Variants in ANK3 observed in about 807,000 individuals in gnomAD.
ANK3 encodes the protein ankyrin 3.
ANK3 carries 57 observed loss-of-function variants against 370.9 expected under a neutral mutation model. The observed-to-expected ratio is 0.15, with a 90% confidence interval of 0.12 to 0.19. The LOEUF is 0.19. ANK3 is among the 10% of genes least tolerant of loss of function. ANK3 has a pLI of 1.00. For missense variants in ANK3, 4,439 were observed against 5,302.1 expected (o/e 0.84, Z 5.06); for synonymous variants, 1,929 against 1,946.3 (o/e 0.99, Z 0.23).
In ANK3 at chr10:60,074,211, T is replaced by C. The variant is rs776244745; in HGVS notation, c.6670A>G (p.Ser2224Gly). The change falls in exon 37 of 44, where the codon AGT (serine) becomes GGT (glycine). Residue 2224 changes from serine to glycine, a missense_variant. By Grantham distance (56) the Ser-to-Gly change is moderately conservative. Around this residue, in one of 13 missense-constraint regions of ANK3, gnomAD observed 1,601 missense variants for 1,731.7 expected, o/e 0.92. Transcript: ENST00000280772. ...CGATTGTGGTCATCTTCTTCACTAC[T>C]GGCTTTCATTTGAAATGCTTTAACC... ...EKVKAFQMKASSEEDDHNRVL... is the reference protein window; with the variant it reads ...EKVKAFQMKAGSEEDDHNRVL... 1.9e-6 allele frequency: 3 copies of C among 1,614,190 alleles called. No homozygotes were observed. The highest frequency in any genetic ancestry group is 1.1e-5 in the South Asian group (1 of 91,082).
chr10:60,307,135 A>G (rs1209894090), intron 1 of ANK3, among the ~76,000 whole-genome samples: 1 of 152,224 alleles, frequency 6.6e-6, no homozygotes, highest in Non-Finnish European at 1.5e-5. Context: ...ATAAAGTTCT[A>G]TTGAAACACA....
At chr10:60,353,977 T>C (rs1050172539) in intron 1 of ANK3, among the ~76,000 whole-genome samples, 2 of 152,244 alleles carry the variant, frequency 1.3e-5, no homozygotes, top group Non-Finnish European at 2.9e-5. Context: ...CGCATCTCCA[T>C]ATCCACGTGC....
chr10:60,699,874 ACAT>A (rs1239947745), intron 1 of ANK3, among the ~76,000 whole-genome samples: 1 of 152,198 alleles, frequency 6.6e-6, no homozygotes, highest in African/African-American at 2.4e-5. Flanking sequence ...ACAGGAAATC[ACAT>A]CATCAACAAC....
intron 7 of ANK3, among the ~76,000 whole-genome samples, chr10:60,261,412 A>G (rs1181650660): frequency 6.6e-6 from 1 of 152,234 alleles, no homozygotes; most frequent in Admixed American, 6.5e-5. Context: ...CAGAAGATAA[A>G]GGCAAAAGAT....
chr10:60,056,704 C>T (rs577306602), intron 41 of ANK3, among the ~76,000 whole-genome samples: 1 of 152,244 alleles, frequency 6.6e-6, no homozygotes, highest in Non-Finnish European at 1.5e-5. Flanking sequence ...GAAGAGATTT[C>T]AGAACGCTTC....
intron 2 of ANK3, among the ~76,000 whole-genome samples, chr10:60,597,463 C>T (rs1396147499): frequency 6.6e-6 from 1 of 152,162 alleles, no homozygotes; most frequent in Non-Finnish European, 1.5e-5. Flanking sequence ...ATTTAGCAGC[C>T]TCTCTGTTCA....
chr10:60,730,529 T>C (rs957077477), intron 1 of ANK3, among the ~76,000 whole-genome samples: 3 of 152,164 alleles, frequency 2.0e-5, no homozygotes, highest in African/African-American at 7.2e-5. Context: ...TAGGAGAAAG[T>C]AGACTATATT....
chr10:60,474,788 T>A (rs974099653), intron 2 of ANK3, among the ~76,000 whole-genome samples: 4 of 152,152 alleles, frequency 2.6e-5, no homozygotes, highest in Admixed American at 2.6e-4. Context: ...ACAGCACACA[T>A]CTCTGTGTGT....
intron 2 of ANK3, among the ~76,000 whole-genome samples, chr10:60,579,097 C>T (rs1200178951): frequency 6.6e-6 from 1 of 152,070 alleles, no homozygotes; most frequent in Admixed American, 6.6e-5. Context: ...GAGGCTGAGG[C>T]AGGCGGATCA....
intron 1 of ANK3, among the ~76,000 whole-genome samples, chr10:60,351,335 C>T (rs2056826334): frequency 6.6e-6 from 1 of 152,184 alleles, no homozygotes; most frequent in African/African-American, 2.4e-5. Context: ...CCTTCCTTCA[C>T]TATCTTCTAC....
At chr10:60,111,241 G>T (rs1390129083) in intron 26 of ANK3, among the ~76,000 whole-genome samples, 1 of 152,114 alleles carries the variant, frequency 6.6e-6, no homozygotes, top group Non-Finnish European at 1.5e-5. Flanking sequence ...AAAAACACTA[G>T]TTAACATGAT....
At chr10:60,315,261 C>T (rs1002683629) in intron 1 of ANK3, among the ~76,000 whole-genome samples, 5 of 152,114 alleles carry the variant, frequency 3.3e-5, no homozygotes, top group Non-Finnish European at 7.4e-5. Context: ...CCCAACTTGA[C>T]ATTGTTTTTA....
At chr10:60,434,600 C>T (rs947959011) in intron 2 of ANK3, among the ~76,000 whole-genome samples, 2 of 152,210 alleles carry the variant, frequency 1.3e-5, no homozygotes, top group Non-Finnish European at 2.9e-5. Context: ...GAATTGTTAA[C>T]AGCATATGGC....
At chr10:60,679,266 C>T (rs559473886) in intron 1 of ANK3, among the ~76,000 whole-genome samples, 5 of 152,246 alleles carry the variant, frequency 3.3e-5, no homozygotes, top group East Asian at 3.9e-4. Flanking sequence ...CGTAGTTAAG[C>T]GGACATAAGC....
intron 1 of ANK3, among the ~76,000 whole-genome samples, chr10:60,329,358 T>C (rs969520925): frequency 1.3e-5 from 2 of 152,206 alleles, no homozygotes; most frequent in African/African-American, 4.8e-5. Context: ...TGTTTGCAGA[T>C]GACATGATTA....
chr10:60,476,460 G>A (rs917359255), intron 2 of ANK3, among the ~76,000 whole-genome samples: 9 of 152,088 alleles, frequency 5.9e-5, no homozygotes, highest in East Asian at 5.8e-4. Flanking sequence ...AGGAAATAAC[G>A]AAAAGTAGGT....
intron 1 of ANK3, among the ~76,000 whole-genome samples, chr10:60,372,729 C>T (rs575069771): frequency 1.3e-5 from 2 of 152,294 alleles, no homozygotes; most frequent in South Asian, 4.1e-4. Flanking sequence ...CTCTAAGATT[C>T]CTTGACTCTA....
intron 21 of ANK3, among the ~76,000 whole-genome samples, chr10:60,172,027 A>G (rs761386599): frequency 6.6e-6 from 1 of 152,246 alleles, no homozygotes; most frequent in African/African-American, 2.4e-5. Context: ...AGAACTTGTT[A>G]TATCAAAGCA....
At chr10:60,349,246 C>A (rs1419909312) in intron 1 of ANK3, among the ~76,000 whole-genome samples, 1 of 152,150 alleles carries the variant, frequency 6.6e-6, no homozygotes, top group Non-Finnish European at 1.5e-5. Context: ...ATGAATTCAA[C>A]CAGAGAAATC....
Sources: allele counts gnomAD v4.1 joint callset (sites outside exome capture counted in the v4.1 genomes callset), GRCh38; gene constraint gnomAD v4.1.1; regional missense constraint gnomAD v4.1.1; transcripts MANE v1.5; gene names NCBI Gene and HGNC (gene_info 2026-07-23, HGNC 2026-07-21).